Variants in UMAD1 observed in about 807,000 individuals in gnomAD.
UMAD1 encodes UBAP1-MVB12-associated (UMA) domain containing 1, also known as UBAP1-MVB12-associated (UMA)-domain containing protein 1.
UMAD1 carries 8 observed loss-of-function variants against 6.1 expected under a neutral mutation model. That is an observed-to-expected ratio of 1.30 (90% CI 0.76 to 2.35). The LOEUF is 2.35. Among genes scored for constraint, UMAD1 ranks in the 30% most tolerant of loss-of-function variants. The pLI, the probability that UMAD1 is intolerant of heterozygous loss-of-function variation, is 0.00. For missense variants in UMAD1, 130 were observed against 78.4 expected, an observed-to-expected ratio of 1.66 and a Z score of -2.49; for synonymous variants, 56 against 31.4, an observed-to-expected ratio of 1.78 and a Z score of -2.61.
intron 3 of UMAD1, among the ~76,000 whole-genome samples, chr7:7,835,120 T>C (rs1188067527): frequency 1.3e-5 from 2 of 152,192 alleles, no homozygotes; most frequent in East Asian, 3.8e-4. Flanking sequence ...AACCATATCA[T>C]TGATCCTATT....
At chr7:7,863,719 CAG>C (rs1784170235) in intron 3 of UMAD1, among the ~76,000 whole-genome samples, 2 of 152,152 alleles carry the variant, frequency 1.3e-5, no homozygotes, top group South Asian at 4.1e-4. Context: ...AGCCACCAAA[CAG>C]AGAAACAAGA....
At chr7:7,644,195 A>AT (rs1334176718) in intron 1 of UMAD1, among the ~76,000 whole-genome samples, 2 of 151,434 alleles carry the variant, frequency 1.3e-5, no homozygotes, top group African/African-American at 4.9e-5. Context: ...AAGTTTGAAC[A>AT]TTTTTTCAGA....
chr7:7,706,380 A>T (rs1400469184), intron 2 of UMAD1, among the ~76,000 whole-genome samples: 1 of 152,068 alleles, frequency 6.6e-6, no homozygotes, highest in Non-Finnish European at 1.5e-5. Flanking sequence ...TGATTGGAAG[A>T]GAGAGAGAGA....
chr7:7,668,073 C>A (rs1264587687), intron 1 of UMAD1, among the ~76,000 whole-genome samples: 1 of 152,042 alleles, frequency 6.6e-6, no homozygotes, highest in Non-Finnish European at 1.5e-5. Flanking sequence ...CACACCACCA[C>A]AGCTGGCTAA....
At chr7:7,766,731 A>T (rs758487515) in intron 2 of UMAD1, among the ~76,000 whole-genome samples, 19 of 152,256 alleles carry the variant, frequency 1.2e-4, no homozygotes, top group Admixed American at 3.9e-4. Context: ...TCATTTTTTC[A>T]TTTAAATATA....
chr7:7,821,132 G>A (rs570125767), intron 3 of UMAD1, among the ~76,000 whole-genome samples: 1 of 152,268 alleles, frequency 6.6e-6, no homozygotes, highest in South Asian at 2.1e-4. Flanking sequence ...CTTGAGATCT[G>A]ACTCGCAGGA....
intron 3 of UMAD1, among the ~76,000 whole-genome samples, chr7:7,862,605 T>C (rs561773612): frequency 2.0e-5 from 3 of 152,326 alleles, no homozygotes; most frequent in Non-Finnish European, 2.9e-5. Context: ...TCTTAACTGT[T>C]TTGCAGCCTT....
At chr7:7,718,872 C>G (rs930037935) in intron 2 of UMAD1, among the ~76,000 whole-genome samples, 5 of 150,516 alleles carry the variant, frequency 3.3e-5, no homozygotes, top group African/African-American at 1.3e-4. Flanking sequence ...TCAACAGGTA[C>G]AGGGTGAAGT....
At chr7:7,695,551 G>C (rs556851059) in intron 2 of UMAD1, among the ~76,000 whole-genome samples, 9 of 152,216 alleles carry the variant, frequency 5.9e-5, no homozygotes, top group Admixed American at 4.6e-4. Flanking sequence ...CTCAGAGCAA[G>C]AACACTCAAG....
At chr7:7,745,115 A>G (rs1289886935) in intron 2 of UMAD1, among the ~76,000 whole-genome samples, 1 of 152,252 alleles carries the variant, frequency 6.6e-6, no homozygotes, top group Non-Finnish European at 1.5e-5. Context: ...TAAGAAAAAC[A>G]TAGAGAAGAG....
intron 3 of UMAD1, among the ~76,000 whole-genome samples, chr7:7,864,981 G>A (rs1784199637): frequency 6.6e-6 from 1 of 152,194 alleles, no homozygotes; most frequent in Non-Finnish European, 1.5e-5. Flanking sequence ...ACACATTGAG[G>A]TGCTAGAAGG....
intron 2 of UMAD1, among the ~76,000 whole-genome samples, chr7:7,698,870 CTTTT>C (rs57968079): frequency 3.0e-5 from 4 of 131,944 alleles, no homozygotes; most frequent in African/African-American, 5.6e-5. Context: ...ACCCTCTTGT[CTTTT>C]TTTTTTTTTT....
intron 2 of UMAD1, among the ~76,000 whole-genome samples, chr7:7,776,057 T>C (rs539400627): frequency 6.7e-6 from 1 of 148,868 alleles, no homozygotes; most frequent in Non-Finnish European, 1.5e-5. Context: ...TTATACACTA[T>C]ACCAAAACAA....
At chr7:7,719,294 G>C (rs532247443) in intron 2 of UMAD1, among the ~76,000 whole-genome samples, 57 of 152,278 alleles carry the variant, frequency 3.7e-4, no homozygotes, top group Middle Eastern at 3.4e-3. Flanking sequence ...CCAGTATATA[G>C]TATGCTACAA....
At chr7:7,708,351 T>C (rs1234200022) in intron 2 of UMAD1, among the ~76,000 whole-genome samples, 1 of 152,224 alleles carries the variant, frequency 6.6e-6, no homozygotes, top group Non-Finnish European at 1.5e-5. Flanking sequence ...GACAAAATTA[T>C]TGATTGCTCA....
chr7:7,647,644 G>A (rs534107992), intron 1 of UMAD1, among the ~76,000 whole-genome samples: 99 of 152,290 alleles, frequency 6.5e-4, no homozygotes, highest in Non-Finnish European at 1.3e-3. Context: ...GTCTTCCTCT[G>A]TTGCTGAGGC....
intron 3 of UMAD1, among the ~76,000 whole-genome samples, chr7:7,803,765 C>A (rs1377257953): frequency 1.3e-5 from 2 of 151,766 alleles, no homozygotes; most frequent in Non-Finnish European, 2.9e-5. Context: ...CTAGTCTCTT[C>A]AGCCCCTTAT....
At chr7:7,804,541 C>T (rs1035821457) in intron 3 of UMAD1, among the ~76,000 whole-genome samples, 13 of 152,318 alleles carry the variant, frequency 8.5e-5, no homozygotes, top group East Asian at 7.7e-4. Flanking sequence ...GGCTTGGCGC[C>T]GTGCGCCTGT....
chr7:7,788,246 C>T (rs548779819), intron 2 of UMAD1, among the ~76,000 whole-genome samples: 2 of 152,056 alleles, frequency 1.3e-5, no homozygotes, highest in Non-Finnish European at 2.9e-5. Context: ...AGCAGACATG[C>T]GTTTTATTGG....
Sources: gnomAD v4.1 joint callset for allele counts (sites outside exome capture counted in the v4.1 genomes callset) on GRCh38, gnomAD v4.1.1 for gene constraint, MANE v1.5 for transcripts, NCBI Gene and HGNC (gene_info 2026-07-23, HGNC 2026-07-21) for gene names.